PAPPA: variants seen among roughly 807,000 people sequenced by gnomAD.
PAPPA encodes the protein pappalysin 1.
PAPPA carries 60 observed loss-of-function variants against 164.0 expected under a neutral mutation model. The ratio of observed to expected loss-of-function variants is 0.37; its 90% CI spans 0.30 to 0.45. The LOEUF (loss-of-function observed/expected upper bound fraction) is 0.45. PAPPA is among the 20% of genes least tolerant of loss of function. The pLI is 1.00. For synonymous variants in PAPPA, 875 were observed against 814.1 expected, an observed-to-expected ratio of 1.07 and a Z score of -1.27; for missense variants, 1,782 against 2,087.3, an observed-to-expected ratio of 0.85 and a Z score of 2.85.
At chr9:116,326,207 A>G (rs1019874751) in intron 10 of PAPPA, among the ~76,000 whole-genome samples, 3 of 152,130 alleles carry the variant, frequency 2.0e-5, no homozygotes, top group Admixed American at 2.0e-4. Flanking sequence ...TGTCAGCCCA[A>G]CCACACCTGC....
intron 6 of PAPPA, among the ~76,000 whole-genome samples, chr9:116,233,365 G>A (rs886967758): frequency 1.3e-5 from 2 of 152,210 alleles, no homozygotes; most frequent in Non-Finnish European, 2.9e-5. Context: ...ATACATGTGT[G>A]TCAACATCCC....
At chr9:116,276,964 C>CT (rs1845207288) in intron 9 of PAPPA, among the ~76,000 whole-genome samples, 1 of 152,064 alleles carries the variant, frequency 6.6e-6, no homozygotes, top group South Asian at 2.1e-4. Context: ...CTGGCCTGCT[C>CT]TGAGCCAAGG....
intron 1 of PAPPA, among the ~76,000 whole-genome samples, chr9:116,164,305 AC>A (rs1226394017): frequency 3.3e-5 from 5 of 152,000 alleles, no homozygotes; most frequent in African/African-American, 1.2e-4. Context: ...TACTCCTCAT[AC>A]CCAGCTTATT....
intron 4 of PAPPA, among the ~76,000 whole-genome samples, chr9:116,212,885 T>C (rs1844325868): frequency 1.3e-5 from 2 of 152,248 alleles, no homozygotes; most frequent in Non-Finnish European, 2.9e-5. Flanking sequence ...TAATATGCTC[T>C]CTCTCATTTA....
intron 10 of PAPPA, among the ~76,000 whole-genome samples, chr9:116,315,407 T>C (rs905273499): frequency 3.3e-5 from 5 of 152,226 alleles, no homozygotes; most frequent in African/African-American, 1.2e-4. Context: ...TGCTTACTCC[T>C]GTGTGTTCCA....
At chr9:116,364,157 T>C (rs1431633451) in intron 18 of PAPPA, among the ~76,000 whole-genome samples, 1 of 152,232 alleles carries the variant, frequency 6.6e-6, no homozygotes, top group Non-Finnish European at 1.5e-5. Flanking sequence ...CACTTTCTCC[T>C]TTCCATCATT....
chr9:116,184,949 G>A (rs968810745), intron 1 of PAPPA, among the ~76,000 whole-genome samples: 1 of 152,200 alleles, frequency 6.6e-6, no homozygotes, highest in Non-Finnish European at 1.5e-5. Context: ...CAGTTCGGCA[G>A]AGAGGGGATA....
rs1287372977 is a variant in PAPPA, at chr9:116,154,769, T to TG, written c.415+185dup. Among the ~76,000 whole-genome samples the TG allele has an allele frequency of 1.3e-5, 2 of 152,048 alleles. No individual in the cohort carries two copies. The highest frequency in any genetic ancestry group is 4.8e-5 in the African/African-American group (2 of 41,420). On this transcript the variant is annotated intron_variant, in intron 1 of 21. Coordinates refer to ENST00000328252, the MANE Select transcript of PAPPA (RefSeq NM_002581.5). This position sits in a 1 kb window ranked among gnomAD's most constrained non-coding sequence, Gnocchi z 5.2. The stretch of plus-strand genomic sequence containing the variant: ...GCCTCACTTTGCTCCATCGGTGGAA[T>TG]GGGCACACTCGGAAGGCGTAGCTGC...
intron 5 of PAPPA, among the ~76,000 whole-genome samples, chr9:116,225,707 G>A (rs1027634713): frequency 2.0e-5 from 3 of 151,962 alleles, no homozygotes; most frequent in Admixed American, 6.6e-5. Context: ...CCTACATATG[G>A]TTTCATATTT....
At chr9:116,250,193 A>G (rs774212872) in intron 7 of PAPPA, among the ~76,000 whole-genome samples, 20 of 152,110 alleles carry the variant, frequency 1.3e-4, no homozygotes, top group Non-Finnish European at 2.5e-4. Flanking sequence ...TAACGTTACA[A>G]GGCTCAGGCT....
rs954798652 is a variant in PAPPA at position 116,265,992 on chromosome 9, A to G, written c.2861+7A>G. 6.3e-7 allele frequency: 1 copy of G among 1,594,134 alleles called. No homozygotes were observed. The highest frequency in any genetic ancestry group is 8.6e-7 in the Non-Finnish European group (1 of 1,164,380). ...GCGATGGCATTATACAAAAGTAAGT[A>G]GATCTAATTAAAGAAAGAAGAGGAG... is the stretch of plus-strand genomic sequence containing the variant. On this transcript the variant is annotated splice_region_variant and intron_variant, in intron 8 of 21. Transcript: ENST00000328252.
chr9:116,396,062 A>G (rs915572016), intron 21 of PAPPA, among the ~76,000 whole-genome samples: 5 of 152,184 alleles, frequency 3.3e-5, no homozygotes, highest in African/African-American at 1.2e-4. Context: ...GTCTTATTAT[A>G]TCAGCTCTAC....
In PAPPA at chr9:116,284,454, A is replaced by G. The variant is rs73654691; in HGVS notation, c.2953+13038A>G. ...ACCTTCTTTCACCTACTCTTTAAGT[A>G]TCAGCAGTCTCCAATGTTCCATAAT... is the stretch of plus-strand genomic sequence containing the variant. On this transcript the variant is annotated intron_variant, in intron 9 of 21. Transcript: ENST00000328252. Among the ~76,000 whole-genome samples the G allele has an allele frequency of 9.1e-3, 1,375 of 151,244 alleles. 22 individuals carry two copies. Among genetic ancestry groups the G allele is most frequent in the African/African-American group, 0.032 (1,314 of 41,142 alleles).
intron 10 of PAPPA, among the ~76,000 whole-genome samples, chr9:116,327,055 C>T (rs1171670359): frequency 1.3e-5 from 2 of 152,174 alleles, no homozygotes; most frequent in Non-Finnish European, 2.9e-5. Flanking sequence ...CTGGGCAGGA[C>T]AGAAAAACAG....
rs1170509531 is a variant in PAPPA, at chr9:116,382,469, C to T, written c.4752C>T (p.Cys1584=). The change falls in exon 21 of 22, where the codon TGC becomes TGT. Residue 1584 remains cysteine, a synonymous_variant. Transcript: ENST00000328252. ...GCAACTATGACGGTGGGGATTGCTG[C>T]ACCTCCACAGTGAAGACCAAAAAGG... The part of the protein sequence containing the change: ...AFCNYDGGDC[C]TSTVKTKKVT... 5 of 1,612,988 alleles carry T rather than the reference C, an allele frequency of 3.1e-6. No homozygotes were observed. Among genetic ancestry groups the T allele is most frequent in the Non-Finnish European group, 4.2e-6 (5 of 1,179,118 alleles).
chr9:116,216,226 A>G (rs1227117240), intron 4 of PAPPA, among the ~76,000 whole-genome samples: 1 of 152,218 alleles, frequency 6.6e-6, no homozygotes, highest in Admixed American at 6.5e-5. Context: ...AAATGCTCTC[A>G]TCAGCTTTAT....
Position 116,347,341 on chromosome 9 carries a change from T to C in PAPPA, c.3964+132T>C. On this transcript the variant is annotated intron_variant, in intron 15 of 21. Coordinates refer to ENST00000328252, the MANE Select transcript of PAPPA (RefSeq NM_002581.5). The surrounding 1 kb of genome is among the most constrained non-coding windows in gnomAD (Gnocchi z 4.5). The stretch of plus-strand genomic sequence containing the variant: ...TTTATCTATGCTCCTGACTTCTTCC[T>C]ACTAATTGTATTTATGTAAACTGCC... The C allele has an allele frequency of 1.5e-6, 1 of 678,896 alleles. No individual in the cohort carries two copies. Among genetic ancestry groups the C allele is most frequent in the Non-Finnish European group, 2.4e-6 (1 of 413,626 alleles). 42.1% of individuals were successfully genotyped at this position (678,896 alleles called of 1,614,324 possible). A position where few individuals can be genotyped will look rare whatever the true frequency, so the allele number is the denominator to read the frequency against.
At position 116,157,241 on chromosome 9, in the gene PAPPA, C is replaced by A. The variant is rs530885590; in HGVS notation, c.415+2654C>A. Among the ~76,000 whole-genome samples the A allele has an allele frequency of 9.3e-4, 141 of 152,288 alleles. No individual in the cohort carries two copies. The South Asian group carries it at 9.7e-3, about 11-fold the overall frequency. Reference sequence around the variant, plus strand: ...GGCGGGCTATGCTCCCAGATCCGCCCGGGATGCTATTTCTGCCCCGGTTCA... The same window carrying A: ...GGCGGGCTATGCTCCCAGATCCGCCAGGGATGCTATTTCTGCCCCGGTTCA... On this transcript the variant is annotated intron_variant, in intron 1 of 21. Coordinates refer to ENST00000328252, the MANE Select transcript of PAPPA (RefSeq NM_002581.5).
intron 1 of PAPPA, among the ~76,000 whole-genome samples, chr9:116,179,071 A>G: frequency 6.6e-6 from 1 of 152,230 alleles, no homozygotes; most frequent in East Asian, 1.9e-4. Flanking sequence ...ATAGTTTACA[A>G]GGAAATATGC....
Sources: allele counts gnomAD v4.1 joint callset (sites outside exome capture counted in the v4.1 genomes callset), GRCh38; gene constraint gnomAD v4.1.1; non-coding constraint Gnocchi (gnomAD v3.1); transcripts MANE v1.5; gene names NCBI Gene and HGNC (gene_info 2026-07-23, HGNC 2026-07-21).